SLC12A2: variants seen among roughly 807,000 people sequenced by gnomAD.
SLC12A2 encodes the protein solute carrier family 12 member 2, also known as Na-K-2Cl cotransporter 1.
A neutral mutation model predicts 136.3 loss-of-function variants in SLC12A2; 67 were observed. That is an observed-to-expected ratio of 0.49 (90% CI 0.40 to 0.60). The LOEUF is 0.60. SLC12A2 is among the 20% of genes least tolerant of loss of function. The pLI, the probability that SLC12A2 is intolerant of heterozygous loss-of-function variation, is 0.00. For missense variants in SLC12A2, 1,322 were observed against 1,534.7 expected (o/e 0.86, Z 2.32); for synonymous variants, 619 against 562.9 (o/e 1.10, Z -1.41).
chr5:128,141,711 A>G lies in SLC12A2; in HGVS notation c.1622-119A>G. ...AATTGTAAATGCAATGTATGCTATT[A>G]TAAGGGAGTAGATATGTAGTCACTA... On this transcript the variant is annotated intron_variant, in intron 9 of 26. Transcript: ENST00000262461. 4.4e-6 allele frequency: 3 copies of G among 685,886 alleles called. No individual in the cohort carries two copies. In the East Asian group the frequency reaches 9.1e-5, roughly 21 times the overall value. The allele number at this position is 685,886 out of a possible 1,614,324, so 42.5% of individuals were successfully genotyped here.
rs1165617365 is a variant in SLC12A2 at position 128,188,882 on chromosome 5, T to A, written c.*2251T>A. ...TTAAGATGGATAATAGGGCATGGAC[T>A]GAGTGCTGCTATCTTGAAATGTGCA... On this transcript the variant is annotated 3_prime_UTR_variant, in exon 27 of 27. Coordinates refer to ENST00000262461, the MANE Select transcript of SLC12A2 (RefSeq NM_001046.3). 1 of 152,284 alleles carries A rather than the reference T, an allele frequency of 6.6e-6. No homozygotes were observed. Among genetic ancestry groups the A allele is most frequent in the Non-Finnish European group, 1.5e-5 (1 of 67,976 alleles). 9.4% of individuals were successfully genotyped at this position (152,284 alleles called of 1,614,324 possible).
intron 10 of SLC12A2, among the ~76,000 whole-genome samples, chr5:128,144,705 G>C (rs114463276): frequency 0.014 from 2,071 of 152,086 alleles, 49 homozygotes; most frequent in African/African-American, 0.048. Flanking sequence ...ACACACACAT[G>C]CATACCCTAC....
At chr5:128,167,547 T>C (rs925250474) in intron 17 of SLC12A2, among the ~76,000 whole-genome samples, 3 of 152,128 alleles carry the variant, frequency 2.0e-5, no homozygotes, top group African/African-American at 7.2e-5. Flanking sequence ...TCAAGTGTTT[T>C]ATTTTTAAAT....
At chr5:128,145,120 C>T (rs1454124807) in intron 10 of SLC12A2, among the ~76,000 whole-genome samples, 1 of 151,930 alleles carries the variant, frequency 6.6e-6, no homozygotes, top group Non-Finnish European at 1.5e-5. Flanking sequence ...ATAGCAGGCC[C>T]CAAAACATAG....
At chr5:128,181,191 GAT>G (rs1358104177) in intron 23 of SLC12A2, among the ~76,000 whole-genome samples, 197 bp downstream of exon 23, 1 of 152,060 alleles carries the variant, frequency 6.6e-6, no homozygotes, top group Non-Finnish European at 1.5e-5. Flanking sequence ...ATTTTACTTA[GAT>G]ATAATTTTTT....
rs1191365754 is a variant in SLC12A2 at position 128,110,535 on chromosome 5, T to C, written c.757-2279T>C. The C allele has an allele frequency of 2.2e-6, 3 of 1,393,410 alleles. No individual in the cohort carries two copies. In the African/African-American group the frequency reaches 4.3e-5, roughly 20 times the overall value. The allele number at this position is 1,393,410 out of a possible 1,614,324, so 86.3% of individuals were successfully genotyped here. On this transcript the variant is annotated intron_variant, in intron 1 of 26. Coordinates refer to ENST00000262461, the MANE Select transcript of SLC12A2 (RefSeq NM_001046.3). ...ATGATGAAAACCTGTATGGTCCCATTGTGAAACACATTTCATTTTTTGATT... is the reference window on the plus strand; with the variant it reads ...ATGATGAAAACCTGTATGGTCCCATCGTGAAACACATTTCATTTTTTGATT...
chr5:128,128,392 G>A (rs1761895475), intron 4 of SLC12A2, among the ~76,000 whole-genome samples: 1 of 152,094 alleles, frequency 6.6e-6, no homozygotes, highest in African/African-American at 2.4e-5. Context: ...TACAGTCAGA[G>A]TTTAGGGTAG....
At chr5:128,126,963 T>TTTG (rs1761823655) in intron 4 of SLC12A2, among the ~76,000 whole-genome samples, 1 of 63,260 alleles carries the variant, frequency 1.6e-5, no homozygotes, top group African/African-American at 8.8e-5. Flanking sequence ...TATATATATA[T>TTTG]ATATTTTTTT....
chr5:128,116,530 A>G (rs1371474602), intron 4 of SLC12A2, among the ~76,000 whole-genome samples: 1 of 151,928 alleles, frequency 6.6e-6, no homozygotes, highest in Non-Finnish European at 1.5e-5. Context: ...AAAAATGACT[A>G]TATATTATAA....
rs116329935 is a variant in SLC12A2 at position 128,124,255 on chromosome 5, C to T, written c.1049-6812C>T. On this transcript the variant is annotated intron_variant, in intron 4 of 26. Transcript: ENST00000262461. ...AATGTGTGGGTTTTCCCCACACAAA[C>T]CAATTCCCCAACTTTCTGGACACTA... 4.6e-3 allele frequency among the ~76,000 whole-genome samples: 699 copies of T among 152,312 alleles called. 5 individuals are homozygous for T. The highest frequency in any genetic ancestry group is 7.2e-3 in the Non-Finnish European group (487 of 68,028).
intron 21 of SLC12A2, chr5:128,178,266 AT>A (rs573323878): frequency 5.9e-4 from 103 of 174,958 alleles, no homozygotes; most frequent in African/African-American, 1.3e-3. Context: ...GCTCACTGTA[AT>A]TTTTTTTATT....
intron 1 of SLC12A2, among the ~76,000 whole-genome samples, chr5:128,087,223 G>C (rs192182693): frequency 6.6e-6 from 1 of 152,330 alleles, no homozygotes; most frequent in East Asian, 1.9e-4. Flanking sequence ...TCTAGGACCA[G>C]TAGGCATGAG....
At chr5:128,152,955 T>A (rs1561690368) in intron 15 of SLC12A2, 150 bp downstream of exon 15, 1 of 590,834 alleles carries the variant, frequency 1.7e-6, no homozygotes, top group African/African-American at 1.9e-5. Flanking sequence ...AAAGAAAAAT[T>A]AATATCTACC....
intron 22 of SLC12A2, among the ~76,000 whole-genome samples, chr5:128,178,907 A>G (rs552082527): frequency 1.3e-5 from 2 of 152,120 alleles, no homozygotes; most frequent in Non-Finnish European, 2.9e-5. Flanking sequence ...CTTGAGCTTC[A>G]TGACCTTAAC....
chr5:128,133,354 T>G (rs1762088917), intron 5 of SLC12A2, among the ~76,000 whole-genome samples: 1 of 152,066 alleles, frequency 6.6e-6, no homozygotes, highest in Admixed American at 6.5e-5. Context: ...CCCTAATATT[T>G]GTATTAAGGT....
chr5:128,116,824 G>A (rs1434173064), intron 4 of SLC12A2, among the ~76,000 whole-genome samples: 1 of 152,102 alleles, frequency 6.6e-6, no homozygotes, highest in African/African-American at 2.4e-5. Flanking sequence ...GTGTTTTCAA[G>A]AGATTCTTTT....
At chr5:128,133,821 A>C (rs1049798169) in intron 5 of SLC12A2, among the ~76,000 whole-genome samples, 6 of 152,112 alleles carry the variant, frequency 3.9e-5, no homozygotes, top group African/African-American at 1.2e-4. Context: ...AATCACAATA[A>C]ATACAAAATA....
chr5:128,166,417 G>A (rs934669892), intron 17 of SLC12A2, among the ~76,000 whole-genome samples: 1 of 151,694 alleles, frequency 6.6e-6, no homozygotes, highest in South Asian at 2.1e-4. Flanking sequence ...ATAGCCAAAA[G>A]ATAAAAACAA....
rs13153622 is a variant in SLC12A2 at position 128,094,502 on chromosome 5, A to G, written c.756+9792A>G. Among the ~76,000 whole-genome samples, 741 of 152,098 alleles carry G rather than the reference A, an allele frequency of 4.9e-3. 3 individuals carry two copies. Among genetic ancestry groups the G allele is most frequent in the Middle Eastern group, 0.014 (4 of 294 alleles). On this transcript the variant is annotated intron_variant, in intron 1 of 26. Transcript: ENST00000262461. ...TGAGTCTCAGTTGGCATTCATTTCA[A>G]TATCCTACAGTTTAATACTGCATAA...
Sources: gnomAD v4.1 joint callset for allele counts (sites outside exome capture counted in the v4.1 genomes callset) on GRCh38, gnomAD v4.1.1 for gene constraint, MANE v1.5 for transcripts, NCBI Gene and HGNC (gene_info 2026-07-23, HGNC 2026-07-21) for gene names.